Variants in NOX4 observed in about 807,000 individuals in gnomAD.
NOX4 encodes the protein kidney oxidase-1.
Under a neutral mutation model 87.6 loss-of-function variants are expected in NOX4, and 69 were observed. The ratio of observed to expected loss-of-function variants is 0.79; its 90% confidence interval spans 0.65 to 0.96. The LOEUF (loss-of-function observed/expected upper bound fraction) is 0.96, where lower values mean the gene tolerates loss of function less well. Among genes scored for constraint, NOX4 ranks in the 40% least tolerant of loss-of-function variants. NOX4 has a pLI of 0.00. For missense variants in NOX4, 680 were observed against 681.5 expected (o/e 1.00, Z 0.02); for synonymous variants, 275 against 238.2 (o/e 1.15, Z -1.42).
At chr11:89,419,193 G>A (rs1030682288) in intron 8 of NOX4, among the ~76,000 whole-genome samples, 2 of 151,996 alleles carry the variant, frequency 1.3e-5, no homozygotes, top group African/African-American at 4.8e-5. Context: ...GATGGACAGA[G>A]AAGCTAATGC....
intron 7 of NOX4, among the ~76,000 whole-genome samples, chr11:89,428,382 T>G (rs184492746): frequency 8.0e-4 from 121 of 152,200 alleles, no homozygotes; most frequent in African/African-American, 2.8e-3. Flanking sequence ...TAACCTTAAA[T>G]GTAAATAGAC....
chr11:89,570,188 G>A, the NOX4 span, among the ~76,000 whole-genome samples: 2 of 152,268 alleles, frequency 1.3e-5, no homozygotes, highest in Non-Finnish European at 2.9e-5. Context: ...AAAGAACGAA[G>A]TCATGTCCTT....
the NOX4 span, among the ~76,000 whole-genome samples, chr11:89,572,239 T>C: frequency 2.0e-5 from 3 of 152,376 alleles, no homozygotes; most frequent in South Asian, 6.2e-4. Flanking sequence ...GATTGAGACC[T>C]GTCTCAAATA....
chr11:89,506,626 T>C, the NOX4 span, among the ~76,000 whole-genome samples: 112 of 151,898 alleles, frequency 7.4e-4, no homozygotes, highest in African/African-American at 2.6e-3. Flanking sequence ...CAAAAGTTAC[T>C]GTTAAGAGAA....
chr11:89,546,949 C>A, the NOX4 span, among the ~76,000 whole-genome samples: 1 of 152,172 alleles, frequency 6.6e-6, no homozygotes, highest in Non-Finnish European at 1.5e-5. Flanking sequence ...CAAACCATAG[C>A]AGTTTCTAAG....
the NOX4 span, among the ~76,000 whole-genome samples, chr11:89,581,399 T>A: frequency 6.6e-6 from 1 of 152,256 alleles, no homozygotes; most frequent in East Asian, 1.9e-4. Context: ...TTCATCTTGT[T>A]ATTTTCAGCA....
At chr11:89,540,458 C>A in the NOX4 span, among the ~76,000 whole-genome samples, 1 of 151,702 alleles carries the variant, frequency 6.6e-6, no homozygotes, top group Non-Finnish European at 1.5e-5. Context: ...CTCTTGCTGC[C>A]CCTTTTTGTG....
At chr11:89,387,459 C>T (rs1940796036) in intron 11 of NOX4, among the ~76,000 whole-genome samples, 2 of 152,098 alleles carry the variant, frequency 1.3e-5, no homozygotes, top group Non-Finnish European at 2.9e-5. Context: ...CCTTCACTGA[C>T]TCTCTTTTCA....
At chr11:89,363,969 A>G (rs1248157558) in intron 12 of NOX4, among the ~76,000 whole-genome samples, 1 of 152,096 alleles carries the variant, frequency 6.6e-6, no homozygotes, top group Non-Finnish European at 1.5e-5. Context: ...GCAACTTATT[A>G]AAGATATAGG....
At chr11:89,559,911 C>T in the NOX4 span, among the ~76,000 whole-genome samples, 2 of 152,056 alleles carry the variant, frequency 1.3e-5, no homozygotes, top group Admixed American at 6.6e-5. Context: ...TATTAGCAAT[C>T]CCATCATGCT....
chr11:89,348,134 C>G lies in NOX4; in HGVS notation c.1218-5941G>C, dbSNP rs145796778. Reference sequence around the variant, plus strand: ...TAACAAAGTGATAAGACCTATGTCTCTGGTCAGGTGTGGTGGCTCATGCCT... The same window carrying G: ...TAACAAAGTGATAAGACCTATGTCTGTGGTCAGGTGTGGTGGCTCATGCCT... On this transcript the variant is annotated intron_variant, in intron 13 of 17. Coordinates refer to ENST00000263317, the MANE Select transcript of NOX4 (RefSeq NM_016931.5). Among the ~76,000 whole-genome samples, 171 of 152,256 alleles carry G rather than the reference C, an allele frequency of 1.1e-3. 2 individuals carry two copies. The East Asian group carries it at 0.031, about 27-fold the overall frequency.
At chr11:89,404,072 G>C (rs927179254) in intron 8 of NOX4, among the ~76,000 whole-genome samples, 8 of 152,014 alleles carry the variant, frequency 5.3e-5, no homozygotes, top group African/African-American at 1.9e-4. Context: ...TAATACAGTA[G>C]ATATAGCCTA....
the NOX4 span, among the ~76,000 whole-genome samples, chr11:89,506,466 T>C: frequency 6.6e-6 from 1 of 151,704 alleles, no homozygotes; most frequent in Non-Finnish European, 1.5e-5. Flanking sequence ...ATGTAAAGCC[T>C]ACAACTATAA....
At chr11:89,506,880 A>G in the NOX4 span, among the ~76,000 whole-genome samples, 4 of 151,948 alleles carry the variant, frequency 2.6e-5, no homozygotes, top group Non-Finnish European at 5.9e-5. Flanking sequence ...AGCACTACAT[A>G]CCTATCAGAA....
chr11:89,520,216 AG>A, the NOX4 span, among the ~76,000 whole-genome samples: 5 of 152,054 alleles, frequency 3.3e-5, no homozygotes, highest in Non-Finnish European at 7.4e-5. Flanking sequence ...GCTAAAAAAA[AG>A]GTAAAATGTC....
At chr11:89,457,250 C>T (rs1166566876) in intron 2 of NOX4, among the ~76,000 whole-genome samples, 4 of 152,236 alleles carry the variant, frequency 2.6e-5, no homozygotes, top group Admixed American at 2.6e-4. Context: ...ACAGAGCTAA[C>T]TGTCCAAACC....
intron 2 of NOX4, among the ~76,000 whole-genome samples, chr11:89,462,357 C>G (rs2135419335): frequency 6.6e-6 from 1 of 152,216 alleles, no homozygotes; most frequent in South Asian, 2.1e-4. Context: ...CTTCATAAAA[C>G]TTGACAAGCC....
chr11:89,478,910 G>A (rs1946276920), intron 2 of NOX4, among the ~76,000 whole-genome samples: 1 of 151,792 alleles, frequency 6.6e-6, no homozygotes, highest in South Asian at 2.1e-4. Flanking sequence ...AATCACTTGA[G>A]CCAAGGAGTT....
the NOX4 span, among the ~76,000 whole-genome samples, chr11:89,540,648 C>CGTG: frequency 6.6e-6 from 1 of 151,414 alleles, no homozygotes; most frequent in African/African-American, 2.4e-5. Flanking sequence ...ATTAGCCGGG[C>CGTG]ATGGTGGCGG....
Sources: gnomAD v4.1 joint callset for allele counts (sites outside exome capture counted in the v4.1 genomes callset) on GRCh38, gnomAD v4.1.1 for gene constraint, MANE v1.5 for transcripts, NCBI Gene and HGNC (gene_info 2026-07-23, HGNC 2026-07-21) for gene names.